FNDC3A: variants seen among roughly 807,000 people sequenced by gnomAD.
The protein encoded by FNDC3A is fibronectin type III domain containing 3A, also known as fibronectin type-III domain-containing protein 3A.
FNDC3A carries 32 observed loss-of-function variants against 148.9 expected under a neutral mutation model. The observed-to-expected ratio is 0.21, with a 90% CI of 0.16 to 0.29. FNDC3A has a LOEUF of 0.29. Among genes scored for constraint, FNDC3A ranks in the 10% least tolerant of loss-of-function variants. The pLI, the probability that FNDC3A is intolerant of heterozygous loss-of-function variation, is 1.00. For synonymous variants in FNDC3A, 472 were observed against 473.6 expected (o/e 1.00, Z 0.04); for missense variants, 1,191 against 1,452.8 (o/e 0.82, Z 2.93).
chr13:49,033,282 G>A (rs550190464), intron 2 of FNDC3A, among the ~76,000 whole-genome samples: 6 of 152,238 alleles, frequency 3.9e-5, no homozygotes, highest in African/African-American at 1.4e-4. Context: ...CTTCTTTGTT[G>A]ATTTGGTTGC....
intron 2 of FNDC3A, among the ~76,000 whole-genome samples, chr13:49,043,806 C>A (rs148929338): frequency 6.6e-6 from 1 of 152,072 alleles, no homozygotes; most frequent in Non-Finnish European, 1.5e-5. Context: ...GCATAATGAT[C>A]AAGCATACTT....
At chr13:48,979,738 C>G (rs1410338504) in intron 1 of FNDC3A, among the ~76,000 whole-genome samples, 1 of 151,738 alleles carries the variant, frequency 6.6e-6, no homozygotes, top group Non-Finnish European at 1.5e-5. Context: ...CAGGGGTCGG[C>G]CAACTTTTTG....
intron 2 of FNDC3A, among the ~76,000 whole-genome samples, chr13:49,018,045 CA>C (rs1872962920): frequency 6.6e-6 from 1 of 151,940 alleles, no homozygotes; most frequent in Admixed American, 6.6e-5. Context: ...TTTTTTCCTT[CA>C]TTTCAACTTT....
chr13:48,979,540 A>T (rs756751939), intron 1 of FNDC3A, among the ~76,000 whole-genome samples: 7 of 152,162 alleles, frequency 4.6e-5, no homozygotes, highest in East Asian at 1.9e-4. Flanking sequence ...AGAAAGAAAG[A>T]AAGTTAGGTC....
At chr13:49,016,544 A>G (rs1037759840) in intron 2 of FNDC3A, among the ~76,000 whole-genome samples, 19 of 152,084 alleles carry the variant, frequency 1.2e-4, no homozygotes, top group African/African-American at 4.3e-4. Context: ...GATCCTTTCA[A>G]AAAACCAGCT....
At chr13:49,069,203 A>G (rs932409911) in intron 2 of FNDC3A, among the ~76,000 whole-genome samples, 1 of 152,248 alleles carries the variant, frequency 6.6e-6, no homozygotes, top group Non-Finnish European at 1.5e-5. Context: ...AAGTAAGCCT[A>G]AGGAGAACAA....
chr13:48,992,195 T>C (rs954419450), intron 1 of FNDC3A, among the ~76,000 whole-genome samples: 1 of 152,184 alleles, frequency 6.6e-6, no homozygotes, highest in African/African-American at 2.4e-5. Context: ...AGCCTAAAAC[T>C]ATGAAATTTC....
intron 2 of FNDC3A, among the ~76,000 whole-genome samples, chr13:49,024,353 G>A (rs986174147): frequency 6.6e-6 from 1 of 151,872 alleles, no homozygotes; most frequent in Non-Finnish European, 1.5e-5. Flanking sequence ...AAAGCAGAAA[G>A]AACTGTTCCT....
At chr13:49,115,586 T>C (rs1880898453) in intron 4 of FNDC3A, among the ~76,000 whole-genome samples, 1 of 152,160 alleles carries the variant, frequency 6.6e-6, no homozygotes, top group Admixed American at 6.5e-5. Flanking sequence ...TGGAATGAGA[T>C]TTAGAATGGA....
At chr13:49,035,896 C>G (rs974625073) in intron 2 of FNDC3A, among the ~76,000 whole-genome samples, 12 of 152,012 alleles carry the variant, frequency 7.9e-5, no homozygotes, top group Non-Finnish European at 1.5e-5. Context: ...AATTCAAATT[C>G]GTTAGTTTGA....
At chr13:49,120,473 C>A (rs1268974544) in intron 4 of FNDC3A, among the ~76,000 whole-genome samples, 1 of 152,080 alleles carries the variant, frequency 6.6e-6, no homozygotes, top group African/African-American at 2.4e-5. Flanking sequence ...ATGACAGGAT[C>A]GAATTCACAC....
intron 3 of FNDC3A, among the ~76,000 whole-genome samples, chr13:49,110,689 AAC>A: frequency 6.6e-6 from 1 of 152,340 alleles, no homozygotes; most frequent in East Asian, 1.9e-4. Flanking sequence ...AGCCATTGTG[AAC>A]GCTGGCTTAT....
intron 2 of FNDC3A, among the ~76,000 whole-genome samples, chr13:49,068,936 A>G (rs144922665): frequency 1.4e-3 from 213 of 152,340 alleles, no homozygotes; most frequent in African/African-American, 5.0e-3. Context: ...GAGGAGTAGG[A>G]AAAAATAACT....
intron 2 of FNDC3A, among the ~76,000 whole-genome samples, chr13:49,074,335 G>T (rs951706465): frequency 1.3e-5 from 2 of 152,102 alleles, no homozygotes; most frequent in African/African-American, 2.4e-5. Context: ...TGAGAAAATA[G>T]TGATGTTTGG....
In FNDC3A at chr13:49,208,735, T is replaced by G. The variant is rs1409988905; in HGVS notation, c.*1340T>G. 6.6e-6 allele frequency: 1 copy of G among 152,648 alleles called. No homozygotes were observed. The highest frequency in any genetic ancestry group is 1.5e-5 in the Non-Finnish European group (1 of 68,022). The allele number at this position is 152,648 out of a possible 1,614,324, so 9.5% of individuals were successfully genotyped here. A position where few individuals can be genotyped will look rare whatever the true frequency, so the allele number is the denominator to read the frequency against. On this transcript the variant is annotated 3_prime_UTR_variant, in exon 26 of 26. Transcript: ENST00000492622. ...TATCTACAATTCTTGTTTTAGCACA[T>G]CTGTTATCCGTAAAACACCTGTAAC...
In FNDC3A at chr13:49,061,416, C is replaced by T. The variant is rs1170041415; in HGVS notation, c.100-13873C>T. 1.9e-3 allele frequency among the ~76,000 whole-genome samples: 11 copies of T among 5,642 alleles called. 4 individuals are homozygous for T. Among genetic ancestry groups the T allele is most frequent in the African/African-American group, 4.7e-3 (5 of 1,070 alleles). The allele number at this position is 5,642 out of a possible 152,430, so 3.7% of individuals were successfully genotyped here. A position where few individuals can be genotyped will look rare whatever the true frequency, so the allele number is the denominator to read the frequency against. On this transcript the variant is annotated intron_variant, in intron 2 of 25. Transcript: ENST00000492622. Reference sequence around the variant, plus strand: ...TCCCTCCCCTTCCCTCCCCTCCCCTCCCCTCCCCTCCCCTCCCCTCCCCTT... The same window carrying T: ...TCCCTCCCCTTCCCTCCCCTCCCCTTCCCTCCCCTCCCCTCCCCTCCCCTT...
At chr13:49,166,673 CT>C (rs1305339978) in intron 8 of FNDC3A, among the ~76,000 whole-genome samples, 18 of 152,178 alleles carry the variant, frequency 1.2e-4, no homozygotes, top group Non-Finnish European at 5.9e-5. Flanking sequence ...CTTACTTACC[CT>C]TTCCCCACAC....
intron 11 of FNDC3A, among the ~76,000 whole-genome samples, chr13:49,174,176 A>G (rs1884907766): frequency 1.3e-5 from 2 of 152,272 alleles, no homozygotes; most frequent in South Asian, 4.1e-4. Flanking sequence ...AGTTTCCTTT[A>G]TTAAAGCCAG....
Position 49,053,927 on chromosome 13 carries a change from T to C in FNDC3A, c.100-21362T>C, listed in dbSNP as rs117698670. Among the ~76,000 whole-genome samples, 87 of 152,342 alleles carry C rather than the reference T, an allele frequency of 5.7e-4. 1 individual carries two copies. Among genetic ancestry groups the C allele is most frequent in the Non-Finnish European group, 9.7e-4 (66 of 68,030 alleles). On this transcript the variant is annotated intron_variant, in intron 2 of 25. Coordinates refer to ENST00000492622, the MANE Select transcript of FNDC3A (RefSeq NM_001079673.2). Reference sequence around the variant, plus strand: ...TATGTCAGAGAAACATATTTTGAGGTAAAATACTTTGGTTTCTTCCAGGGC... The same window carrying C: ...TATGTCAGAGAAACATATTTTGAGGCAAAATACTTTGGTTTCTTCCAGGGC...
Sources: allele counts gnomAD v4.1 joint callset (sites outside exome capture counted in the v4.1 genomes callset), GRCh38; gene constraint gnomAD v4.1.1; transcripts MANE v1.5; gene names NCBI Gene and HGNC (gene_info 2026-07-23, HGNC 2026-07-21).